Variants in ZBTB11 observed in about 807,000 individuals in gnomAD.
ZBTB11 encodes zinc finger and BTB domain-containing protein 11.
Under a neutral mutation model 113.1 loss-of-function variants are expected in ZBTB11, and 68 were observed. The observed-to-expected ratio is 0.60, with a 90% CI of 0.49 to 0.74. ZBTB11 has a LOEUF of 0.74. Among genes scored for constraint, ZBTB11 ranks in the 30% least tolerant of loss-of-function variants. The pLI is 0.00. For synonymous variants in ZBTB11, 518 were observed against 452.6 expected (o/e 1.14, Z -1.83); for missense variants, 1,104 against 1,279.4 (o/e 0.86, Z 2.09).
Position 101,656,145 on chromosome 3 carries a change from A to G in ZBTB11, c.2150T>C (p.Val717Ala), listed in dbSNP as rs1456913551. 7 of 1,595,124 alleles carry G rather than the reference A, an allele frequency of 4.4e-6. No homozygotes were observed. Among genetic ancestry groups the G allele is most frequent in the Non-Finnish European group, 6.0e-6 (7 of 1,172,014 alleles). The stretch of plus-strand genomic sequence containing the variant: ...ATGTTCTTGAAGACTCCGTTTGGTA[A>G]CAAATGACTTAACACACAGTTCACA... The part of the protein sequence containing the change: ...FQCELCVKSF[V>A]TKRSLQEHMS... The change falls in exon 7 of 11, where the codon GTT (valine) becomes GCT (alanine). Residue 717 changes from valine to alanine, a missense_variant. Transcript: ENST00000312938.
In ZBTB11 at chr3:101,651,414, T is replaced by C. The variant is rs549056576; in HGVS notation, c.2914A>G (p.Met972Val). The C allele has an allele frequency of 2.5e-5, 41 of 1,614,208 alleles. No individual in the cohort carries two copies. The African/African-American group carries it at 4.4e-4, about 17-fold the overall frequency. ...GGACCACTGCTTTCTTGTTCCTGCA[T>C]GCCTGCTGTTAAGATGCTAACAGCA... ...AHAVSILTAG[M>V]QEQESSGPQE... is the part of the protein sequence containing the mutation. The change falls in exon 11 of 11, where the codon ATG (methionine) becomes GTG (valine). Residue 972 changes from methionine (M) to valine (V), a missense_variant. Met to Val is a conservative substitution (Grantham distance 21, BLOSUM62 1). Transcript: ENST00000312938.
In ZBTB11 at chr3:101,665,491, G is replaced by A. The variant is rs1936979122; in HGVS notation, c.1096C>T (p.Leu366=). ...GCTTCTGGCAATTCTCCATTTACCA[G>A]TAGTACAATTTCACAATCCCCAAGT... The part of the protein sequence containing the change: ...TELGDCEIVL[L]VNGELPEAEQ... The change falls in exon 4 of 11, where the codon CTG becomes TTG. Residue 366 remains leucine (L), a synonymous_variant. Coordinates refer to ENST00000312938, the MANE Select transcript of ZBTB11 (RefSeq NM_014415.4). 6.2e-7 allele frequency: 1 copy of A among 1,614,160 alleles called. No individual in the cohort carries two copies. The highest frequency in any genetic ancestry group is 8.5e-7 in the Non-Finnish European group (1 of 1,180,018).
rs781685922 is a variant in ZBTB11 at position 101,652,759 on chromosome 3, C to T, written c.2468+21G>A. The T allele has an allele frequency of 2.2e-5, 35 of 1,609,452 alleles. No individual in the cohort carries two copies. The East Asian group carries it at 7.8e-4, about 36-fold the overall frequency. ...TACACACGTTATCAATTAAGTTCAG[C>T]TCCTTCTCAAATTTACTCACCTATA... On this transcript the variant is annotated intron_variant, in intron 9 of 10. Coordinates refer to ENST00000312938, the MANE Select transcript of ZBTB11 (RefSeq NM_014415.4).
intron 10 of ZBTB11, among the ~76,000 whole-genome samples, chr3:101,652,086 G>A (rs900008704): frequency 7.9e-5 from 12 of 151,832 alleles, no homozygotes; most frequent in Non-Finnish European, 1.6e-4. Flanking sequence ...CCAGGATCGC[G>A]TCACTGCACT....
intron 9 of ZBTB11, 34 bp downstream of exon 9, chr3:101,652,746 C>CAATT (rs753109617): frequency 5.6e-6 from 9 of 1,608,990 alleles, no homozygotes; most frequent in African/African-American, 2.7e-5. Flanking sequence ...CACACGTTAT[C>CAATT]AATTAAGTTC....
intron 5 of ZBTB11, among the ~76,000 whole-genome samples, chr3:101,661,049 T>C (rs891637180): frequency 2.0e-5 from 3 of 151,716 alleles, no homozygotes; most frequent in South Asian, 2.1e-4. Context: ...CTGGGCAACA[T>C]GGTAAAACCC....
Position 101,649,375 on chromosome 3 carries a change from T to C in ZBTB11, c.*1791A>G, listed in dbSNP as rs1936659453. 6.6e-6 allele frequency: 1 copy of C among 152,208 alleles called. No homozygotes were observed. The highest frequency in any genetic ancestry group is 2.4e-5 in the African/African-American group (1 of 41,462). 9.4% of individuals were successfully genotyped at this position (152,208 alleles called of 1,614,324 possible). ...CCTTTCCCTTTAAAAATAAATTAAC[T>C]TAATAACACATCAAGTAACAACTGA... On this transcript the variant is annotated 3_prime_UTR_variant, in exon 11 of 11. Transcript: ENST00000312938.
chr3:101,670,440 G>A (rs1383038069), intron 3 of ZBTB11, among the ~76,000 whole-genome samples: 1 of 151,978 alleles, frequency 6.6e-6, no homozygotes, highest in African/African-American at 2.4e-5. Flanking sequence ...AAAGAAAGTT[G>A]AACTATTTAT....
chr3:101,663,298 T>C (rs908214461), intron 5 of ZBTB11, among the ~76,000 whole-genome samples: 1 of 152,132 alleles, frequency 6.6e-6, no homozygotes, highest in Non-Finnish European at 1.5e-5. Context: ...TCTTGAAATC[T>C]TGAGCTCAAG....
At chr3:101,658,587 C>T (rs1364323075) in intron 6 of ZBTB11, among the ~76,000 whole-genome samples, 1 of 151,882 alleles carries the variant, frequency 6.6e-6, no homozygotes, top group Non-Finnish European at 1.5e-5. Flanking sequence ...GCAGTGGTGC[C>T]ACCTCGGCTC....
At chr3:101,671,012 A>G (rs1214851962) in intron 3 of ZBTB11, 118 bp downstream of exon 3, 2 of 776,574 alleles carry the variant, frequency 2.6e-6, no homozygotes, top group African/African-American at 1.8e-5. Context: ...AGCTTAGTCT[A>G]CTGTTGTTAG....
intron 10 of ZBTB11, among the ~76,000 whole-genome samples, chr3:101,652,205 C>A (rs914648348): frequency 6.6e-6 from 1 of 152,098 alleles, no homozygotes; most frequent in African/African-American, 2.4e-5. Context: ...GTGATTGAGA[C>A]AAATTTTAGT....
chr3:101,656,295 T>C (rs369584784), intron 6 of ZBTB11, 47 bp from the exon 7 acceptor site: 26 of 1,268,004 alleles, frequency 2.1e-5, no homozygotes, highest in Non-Finnish European at 2.4e-5. Context: ...AAAAGGGAGA[T>C]TGTTTCTGAA....
intron 10 of ZBTB11, 41 bp downstream of exon 10, chr3:101,652,455 T>C: frequency 6.3e-7 from 1 of 1,584,064 alleles, no homozygotes; most frequent in Non-Finnish European, 8.6e-7. Flanking sequence ...CTGGACTGGC[T>C]TTTATTCTAT....
At chr3:101,663,780 C>G (rs1210896487) in intron 5 of ZBTB11, among the ~76,000 whole-genome samples, 2 of 152,116 alleles carry the variant, frequency 1.3e-5, no homozygotes, top group African/African-American at 4.8e-5. Context: ...GTCCCAGCTA[C>G]TCAGGAGGCT....
intron 6 of ZBTB11, among the ~76,000 whole-genome samples, chr3:101,656,527 C>G (rs1936801722): frequency 6.6e-6 from 1 of 152,172 alleles, no homozygotes; most frequent in South Asian, 2.1e-4. Context: ...ATCTTTGAGA[C>G]TGGTAAACAG....
intron 1 of ZBTB11, among the ~76,000 whole-genome samples, chr3:101,674,711 TA>T (rs915724002): frequency 3.4e-4 from 45 of 132,802 alleles, no homozygotes; most frequent in Middle Eastern, 4.2e-3. Context: ...AATAAATAAA[TA>T]AAATAAATAA....
Position 101,660,046 on chromosome 3 carries a change from TTCTC to T in ZBTB11, c.1801-22_1801-19del, listed in dbSNP as rs1484224029. 6.2e-7 allele frequency: 1 copy of T among 1,603,804 alleles called. No homozygotes were observed. The highest frequency in any genetic ancestry group is 8.5e-7 in the Non-Finnish European group (1 of 1,173,024). Reference sequence around the variant, plus strand: ...TTACACAACTAAAAGAAAAATAAAATTCTCTCTAAATGTATTTCCATTACAAAAT... The same window carrying T: ...TTACACAACTAAAAGAAAAATAAAATTCTAAATGTATTTCCATTACAAAAT... On this transcript the variant is annotated intron_variant, in intron 5 of 10. Coordinates refer to ENST00000312938, the MANE Select transcript of ZBTB11 (RefSeq NM_014415.4).
chr3:101,653,297 G>A (rs1936738267), intron 8 of ZBTB11, among the ~76,000 whole-genome samples: 1 of 152,132 alleles, frequency 6.6e-6, no homozygotes. Context: ...CAAATGACTT[G>A]GGCCTAAATT....
Sources: allele counts gnomAD v4.1 joint callset (sites outside exome capture counted in the v4.1 genomes callset), GRCh38; gene constraint gnomAD v4.1.1; transcripts MANE v1.5; gene names NCBI Gene and HGNC (gene_info 2026-07-23, HGNC 2026-07-21).